The following SMYD3 variants were observed in gnomAD, a reference collection of about 807,000 sequenced individuals.
The protein encoded by SMYD3 is SET and MYND domain containing 3, also known as histone-lysine N-methyltransferase SMYD3.
Under a neutral mutation model 57.7 loss-of-function variants are expected in SMYD3, and 36 were observed. That is an observed-to-expected ratio of 0.62 (90% confidence interval 0.48 to 0.82). The LOEUF is 0.82. SMYD3 is among the 40% of genes least tolerant of loss of function. The probability of loss-of-function intolerance (pLI) is 0.00; values close to 1 mark genes in which losing one functional copy is unlikely to be tolerated. For synonymous variants in SMYD3, 211 were observed against 195.0 expected (o/e 1.08, Z -0.68); for missense variants, 515 against 538.8 (o/e 0.96, Z 0.44).
chr1:246,169,403 A>AC (rs1399175095), intron 5 of SMYD3, among the ~76,000 whole-genome samples: 29 of 151,394 alleles, frequency 1.9e-4, no homozygotes, highest in African/African-American at 6.8e-4. Flanking sequence ...AAAAAAAAAA[A>AC]ACCTCTAACA....
intron 10 of SMYD3, among the ~76,000 whole-genome samples, chr1:245,853,768 A>G (rs1306094458): frequency 3.3e-5 from 5 of 152,202 alleles, no homozygotes; most frequent in African/African-American, 1.2e-4. Flanking sequence ...TGGGGCTGCT[A>G]TGTAATTAAC....
intron 1 of SMYD3, among the ~76,000 whole-genome samples, chr1:246,381,754 T>C (rs1269228611): frequency 6.6e-6 from 1 of 152,356 alleles, no homozygotes; most frequent in East Asian, 1.9e-4. Context: ...CAATAACTGT[T>C]GACACTTTTA....
intron 10 of SMYD3, among the ~76,000 whole-genome samples, chr1:245,796,345 A>ATT (rs34345920): frequency 6.6e-6 from 1 of 150,798 alleles, no homozygotes; most frequent in Non-Finnish European, 1.5e-5. Flanking sequence ...GGAATTCTAG[A>ATT]TTTTTTTTTT....
chr1:246,198,508 C>T (rs980684389), intron 5 of SMYD3, among the ~76,000 whole-genome samples: 14 of 152,132 alleles, frequency 9.2e-5, no homozygotes, highest in African/African-American at 3.4e-4. Flanking sequence ...GACCGGGGTA[C>T]ATAGTATGTT....
intron 5 of SMYD3, among the ~76,000 whole-genome samples, chr1:246,069,457 A>G (rs1032516332): frequency 4.6e-5 from 7 of 152,228 alleles, no homozygotes; most frequent in African/African-American, 1.4e-4. Context: ...GCTGATGTTC[A>G]TCACTAACCT....
intron 5 of SMYD3, among the ~76,000 whole-genome samples, chr1:246,083,394 C>A (rs2060672621): frequency 6.6e-6 from 1 of 152,174 alleles, no homozygotes; most frequent in Non-Finnish European, 1.5e-5. Flanking sequence ...CATTTGTTCA[C>A]ATGTTTTCCT....
chr1:245,824,515 G>C (rs896916022), intron 10 of SMYD3, among the ~76,000 whole-genome samples: 1 of 152,092 alleles, frequency 6.6e-6, no homozygotes. Context: ...TCAGGAGTTC[G>C]AGACCAGCCT....
At chr1:246,034,273 T>C (rs12566274) in intron 5 of SMYD3, among the ~76,000 whole-genome samples, 2,691 of 152,266 alleles carry the variant, frequency 0.018, 114 homozygotes, top group South Asian at 0.15. Context: ...TCCCTATGAA[T>C]CTGAACTTTG....
chr1:245,878,419 A>G (rs56069401), intron 8 of SMYD3, among the ~76,000 whole-genome samples: 19,120 of 152,174 alleles, frequency 0.13, 1,434 homozygotes, highest in South Asian at 0.28. Context: ...CACAGGTGGT[A>G]GAAGCGGGTG....
chr1:246,113,859 AGAAATGACCACCTCAC>A (rs1301684777), intron 5 of SMYD3: 2 of 152,142 alleles, frequency 1.3e-5, no homozygotes, highest in East Asian at 3.9e-4. Flanking sequence ...ATATCTGCTG[AGAAATGACCACCTCAC>A]TCTACTCTTC....
At chr1:246,183,576 A>G (rs765269672) in intron 5 of SMYD3, among the ~76,000 whole-genome samples, 2 of 152,100 alleles carry the variant, frequency 1.3e-5, no homozygotes, top group African/African-American at 2.4e-5. Context: ...CTAGGGGAGT[A>G]TGTCCAGCAC....
At chr1:246,362,610 A>G (rs372646837) in intron 1 of SMYD3, among the ~76,000 whole-genome samples, 10,451 of 147,726 alleles carry the variant, frequency 0.071, 402 homozygotes, top group Middle Eastern at 0.16. Context: ...GCAGGCGCGC[A>G]CCGCCACGCC....
chr1:246,019,404 A>G (rs1243508810), intron 5 of SMYD3, among the ~76,000 whole-genome samples: 1 of 152,260 alleles, frequency 6.6e-6, no homozygotes, highest in African/African-American at 2.4e-5. Flanking sequence ...AAAACAAGAC[A>G]TTAGAAAAGA....
intron 5 of SMYD3, among the ~76,000 whole-genome samples, chr1:246,059,488 G>C (rs1428335100): frequency 5.9e-5 from 9 of 152,112 alleles, no homozygotes; most frequent in African/African-American, 2.2e-4. Flanking sequence ...CTGGCACTAG[G>C]ACCTTTTTCT....
intron 5 of SMYD3, among the ~76,000 whole-genome samples, chr1:246,225,652 CTTCT>C (rs2063320951): frequency 6.6e-6 from 1 of 152,154 alleles, no homozygotes; most frequent in South Asian, 2.1e-4. Context: ...TAATCATCTC[CTTCT>C]TTGTTTTCCT....
Position 246,156,056 on chromosome 1 carries a change from AT to A in SMYD3, c.531+171144del, listed in dbSNP as rs934858043. Among the ~76,000 whole-genome samples the A allele has an allele frequency of 2.1e-3, 320 of 148,960 alleles. 4 individuals carry two copies. The highest frequency in any genetic ancestry group is 6.6e-3 in the African/African-American group (269 of 40,746). ...TGAGCTACAGAGTTCGAAGGACAGA[AT>A]TTTTTTTTTTCAATTAATGTTAAGG... On this transcript the variant is annotated intron_variant, in intron 5 of 11. Coordinates refer to ENST00000490107, the MANE Select transcript of SMYD3 (RefSeq NM_001167740.2).
intron 10 of SMYD3, among the ~76,000 whole-genome samples, chr1:245,810,433 T>C (rs192491394): frequency 5.5e-3 from 841 of 152,318 alleles, no homozygotes; most frequent in Non-Finnish European, 8.3e-3. Flanking sequence ...CCCAGAACTC[T>C]AAGCATCCTT....
intron 10 of SMYD3, among the ~76,000 whole-genome samples, chr1:245,830,675 T>C (rs1244032479): frequency 6.6e-6 from 1 of 152,220 alleles, no homozygotes; most frequent in Non-Finnish European, 1.5e-5. Flanking sequence ...CAGACTACTG[T>C]AGGAAGTAGA....
intron 5 of SMYD3, among the ~76,000 whole-genome samples, chr1:246,093,585 G>A (rs2060858807): frequency 1.3e-5 from 2 of 152,292 alleles, no homozygotes; most frequent in Admixed American, 1.3e-4. Flanking sequence ...AGAGAGTAGA[G>A]GGGTGGTTAT....
Sources: gnomAD v4.1 joint callset for allele counts (sites outside exome capture counted in the v4.1 genomes callset) on GRCh38, gnomAD v4.1.1 for gene constraint, MANE v1.5 for transcripts, NCBI Gene and HGNC (gene_info 2026-07-23, HGNC 2026-07-21) for gene names.